Variants in ETFA observed in about 807,000 individuals in gnomAD.
ETFA encodes electron transfer flavoprotein subunit alpha.
Under a neutral mutation model 46.2 loss-of-function variants are expected in ETFA, and 22 were observed. The ratio of observed to expected loss-of-function variants is 0.48; its 90% confidence interval spans 0.34 to 0.68. ETFA has a LOEUF of 0.68. Ranked by LOEUF, ETFA falls within the 30% of genes least tolerant of loss-of-function variation. The pLI, the probability that ETFA is intolerant of heterozygous loss-of-function variation, is 0.01. For synonymous variants in ETFA, 131 were observed against 139.9 expected, an observed-to-expected ratio of 0.94 and a Z score of 0.45; for missense variants, 345 against 401.1, an observed-to-expected ratio of 0.86 and a Z score of 1.19.
At chr15:76,258,485 C>A (rs1452414253) in intron 9 of ETFA, among the ~76,000 whole-genome samples, 23 of 152,200 alleles carry the variant, frequency 1.5e-4, no homozygotes, top group Admixed American at 1.5e-3. Flanking sequence ...CCCTTACCAA[C>A]CCTTACCTAA....
At chr15:76,243,229 C>A (rs1407126760) in intron 9 of ETFA, among the ~76,000 whole-genome samples, 1 of 151,496 alleles carries the variant, frequency 6.6e-6, no homozygotes, top group Non-Finnish European at 1.5e-5. Flanking sequence ...CGAGATGGCA[C>A]CACTGCACTC....
intron 9 of ETFA, among the ~76,000 whole-genome samples, chr15:76,248,628 A>T (rs917975993): frequency 6.6e-6 from 1 of 152,192 alleles, no homozygotes; most frequent in African/African-American, 2.4e-5. Context: ...TGCAACACAC[A>T]TAACCAACAA....
At chr15:76,299,790 T>G (rs1372010730) in intron 1 of ETFA, among the ~76,000 whole-genome samples, 1 of 152,196 alleles carries the variant, frequency 6.6e-6, no homozygotes, top group South Asian at 2.1e-4. Context: ...CTCCTGGGTC[T>G]AATCCCTTCA....
chr15:76,305,960 G>A (rs895058071), intron 1 of ETFA, among the ~76,000 whole-genome samples: 8 of 150,734 alleles, frequency 5.3e-5, no homozygotes, highest in African/African-American at 2.0e-4. Flanking sequence ...TGATCCTCCT[G>A]CCTCAGCCAC....
chr15:76,248,914 A>G (rs547567461), intron 9 of ETFA, among the ~76,000 whole-genome samples: 1 of 152,220 alleles, frequency 6.6e-6, no homozygotes, highest in East Asian at 1.9e-4. Flanking sequence ...ATCAGTAAGA[A>G]AAAGATAACT....
chr15:76,229,975 T>C (rs1238690279), intron 10 of ETFA: 4 of 151,736 alleles, frequency 2.6e-5, no homozygotes, highest in African/African-American at 9.7e-5. Flanking sequence ...GTAGTCCAAG[T>C]AGCAAGTTAA....
In ETFA at chr15:76,283,663, G is replaced by A. The variant is rs1596217481; in HGVS notation, c.733+94C>T. 5.6e-6 allele frequency: 5 copies of A among 895,250 alleles called. No individual in the cohort carries two copies. The East Asian group carries it at 1.0e-4, about 18-fold the overall frequency. 55.5% of individuals were successfully genotyped at this position (895,250 alleles called of 1,614,324 possible). A position where few individuals can be genotyped will look rare whatever the true frequency, so the allele number is the denominator to read the frequency against. ...AAAATCCGGAAAAGTAAAATAATTT[G>A]TAGGGCTGAAAGACTTACACAAAAA... On this transcript the variant is annotated intron_variant, in intron 8 of 11. Coordinates refer to ENST00000557943, the MANE Select transcript of ETFA (RefSeq NM_000126.4).
chr15:76,306,443 T>A (rs1197475446), intron 1 of ETFA, among the ~76,000 whole-genome samples: 2 of 151,906 alleles, frequency 1.3e-5, no homozygotes, highest in Non-Finnish European at 2.9e-5. Context: ...ATTTTTGTAT[T>A]TTTAGTAGAG....
At chr15:76,261,064 G>A (rs925731918) in intron 9 of ETFA, 372 of 1,555,968 alleles carry the variant, frequency 2.4e-4, no homozygotes, top group Non-Finnish European at 3.1e-4. Flanking sequence ...GTGGCTATGC[G>A]AGAAGAGGCC....
At chr15:76,274,625 C>A in intron 8 of ETFA, 131 bp from the exon 9 acceptor site, 3 of 765,138 alleles carry the variant, frequency 3.9e-6, no homozygotes, top group African/African-American at 1.7e-5. Flanking sequence ...CAGAAAGCTT[C>A]AAGGAATAAC....
intron 1 of ETFA, 115 bp from the exon 2 acceptor site, chr15:76,295,852 T>A: frequency 1.6e-6 from 1 of 623,676 alleles, no homozygotes. Flanking sequence ...CTGTACACAA[T>A]ATTATTCTAT....
At chr15:76,284,371 T>A (rs114078184) in intron 7 of ETFA, 3,652 of 168,082 alleles carry the variant, frequency 0.022, 142 homozygotes, top group African/African-American at 0.084. Flanking sequence ...ACACCTGTAA[T>A]CCCAACACTT....
chr15:76,216,539 T>G lies in ETFA; in HGVS notation c.*20A>C. 1 of 1,480,940 alleles carries G rather than the reference T, an allele frequency of 6.8e-7. No homozygotes were observed. The highest frequency in any genetic ancestry group is 9.4e-7 in the Non-Finnish European group (1 of 1,059,014). The allele number at this position is 1,480,940 out of a possible 1,614,324, so 91.7% of individuals were successfully genotyped here. On this transcript the variant is annotated 3_prime_UTR_variant, in exon 12 of 12. Transcript: ENST00000557943. ...TGGAATACTTTAACAAAAGTTTTCT[T>G]TTTAAGGCATGATCCTGATTCATTT...
At chr15:76,255,791 T>C (rs112365987) in intron 9 of ETFA, among the ~76,000 whole-genome samples, 2 of 152,198 alleles carry the variant, frequency 1.3e-5, no homozygotes, top group African/African-American at 4.8e-5. Flanking sequence ...AAAAACCAAA[T>C]TGACATTTGC....
intron 9 of ETFA, among the ~76,000 whole-genome samples, chr15:76,234,245 T>G (rs1160683619): frequency 9.9e-5 from 15 of 152,200 alleles, no homozygotes; most frequent in African/African-American, 3.4e-4. Context: ...GCGGCTGCTC[T>G]GAGGCTCTGA....
intron 8 of ETFA, among the ~76,000 whole-genome samples, chr15:76,276,421 GTTC>G: frequency 6.6e-6 from 1 of 152,038 alleles, no homozygotes; most frequent in South Asian, 2.1e-4. Flanking sequence ...CCTAGTTGAA[GTTC>G]TTCTGGCATT....
chr15:76,298,905 T>G (rs527394938), intron 1 of ETFA, among the ~76,000 whole-genome samples: 1 of 152,104 alleles, frequency 6.6e-6, no homozygotes, highest in Non-Finnish European at 1.5e-5. Context: ...GACTAAAGAG[T>G]AAAAAAATAC....
intron 9 of ETFA, among the ~76,000 whole-genome samples, chr15:76,254,731 C>A (rs760103801): frequency 6.6e-6 from 1 of 152,110 alleles, no homozygotes; most frequent in Non-Finnish European, 1.5e-5. Flanking sequence ...AGAATGTATG[C>A]ATCTGTATTT....
intron 9 of ETFA, among the ~76,000 whole-genome samples, chr15:76,263,258 T>C (rs2456074): frequency 0.13 from 20,485 of 152,180 alleles, 1,636 homozygotes; most frequent in African/African-American, 0.22. Flanking sequence ...TCATCTTTTC[T>C]CATTCCTTTG....
Sources: gnomAD v4.1 joint callset for allele counts (sites outside exome capture counted in the v4.1 genomes callset) on GRCh38, gnomAD v4.1.1 for gene constraint, MANE v1.5 for transcripts, NCBI Gene and HGNC (gene_info 2026-07-23, HGNC 2026-07-21) for gene names.